Variants in WNT5B observed in about 807,000 individuals in gnomAD.
WNT5B encodes the protein protein Wnt-5b.
A neutral mutation model predicts 36.5 loss-of-function variants in WNT5B; 18 were observed. The ratio of observed to expected loss-of-function variants is 0.49; its 90% CI spans 0.34 to 0.73. The LOEUF (loss-of-function observed/expected upper bound fraction) is 0.73, where lower values mean the gene tolerates loss of function less well. Among genes scored for constraint, WNT5B ranks in the 30% least tolerant of loss-of-function variants. The pLI, the probability that WNT5B is intolerant of heterozygous loss-of-function variation, is 0.01. For synonymous variants in WNT5B, 213 were observed against 212.3 expected (o/e 1.00, Z -0.03); for missense variants, 424 against 508.4 (o/e 0.83, Z 1.60).
rs983671220 is a variant in WNT5B, at chr12:1,630,738, G to A, written c.-57-560G>A. 4.7e-4 allele frequency: 72 copies of A among 152,666 alleles called. No individual in the cohort carries two copies. Among genetic ancestry groups the A allele is most frequent in the Middle Eastern group, 3.4e-3 (1 of 294 alleles). The allele number at this position is 152,666 out of a possible 1,614,324, so 9.5% of individuals were successfully genotyped here. On this transcript the variant is annotated intron_variant, in intron 1 of 4. Transcript: ENST00000397196. The surrounding 1 kb of genome is among the most constrained non-coding windows in gnomAD (Gnocchi z 5.3). ...TCCTTGATCTGTACGCAGGGGTTGG[G>A]ACTTAGGAAACCCGCTGAGGGTGAG... is the stretch of plus-strand genomic sequence containing the variant.
At chr12:1,631,702 A>G (rs767525562) in intron 2 of WNT5B, among the ~76,000 whole-genome samples, 8 of 152,130 alleles carry the variant, frequency 5.3e-5, no homozygotes, top group Non-Finnish European at 1.0e-4. Flanking sequence ...CCTCATGCCC[A>G]TGAATTGTTA....
intron 3 of WNT5B, among the ~76,000 whole-genome samples, chr12:1,635,303 G>A (rs114222030): frequency 0.011 from 1,714 of 152,356 alleles, 30 homozygotes; most frequent in African/African-American, 0.039. Context: ...ATTCTGAGAA[G>A]GCTGATTCAA....
rs1223717064 is a variant in WNT5B at position 1,618,324 on chromosome 12, C to T, written c.-58+1181C>T. Among the ~76,000 whole-genome samples, 1 of 152,194 alleles carries T rather than the reference C, an allele frequency of 6.6e-6. No homozygotes were observed. The highest frequency in any genetic ancestry group is 2.4e-5 in the African/African-American group (1 of 41,428). ...CATAGAGAGAGGTTATCCACCTGCC[C>T]TTGGTGGTGATCCAGAAGTCCATTT... On this transcript the variant is annotated intron_variant, in intron 1 of 4. Transcript: ENST00000310594. The surrounding 1 kb of genome is among the most constrained non-coding windows in gnomAD (Gnocchi z 4.1).
Position 1,632,838 on chromosome 12 carries a change from C to G in WNT5B, c.261C>G (p.Phe87Leu), listed in dbSNP as rs542305945. 3.7e-6 allele frequency: 6 copies of G among 1,614,146 alleles called. No homozygotes were observed. The highest frequency in any genetic ancestry group is 5.1e-6 in the Non-Finnish European group (6 of 1,180,002). ...KTGIKECQHQ[F>L]RQRRWNCSTA... ...GCATCAAGGAATGCCAGCACCAGTTCCGGCAGCGGCGGTGGAATTGCAGCA... is the reference window on the plus strand; with the variant it reads ...GCATCAAGGAATGCCAGCACCAGTTGCGGCAGCGGCGGTGGAATTGCAGCA... The change falls in exon 3 of 5, where the codon TTC becomes TTG. Residue 87 changes from phenylalanine (F) to leucine (L), a missense_variant. Phe to Leu is a conservative substitution (Grantham distance 22). Transcript: ENST00000397196. This position sits in a 1 kb window ranked among gnomAD's most constrained non-coding sequence, Gnocchi z 5.8.
In WNT5B at chr12:1,639,665, C is replaced by A. The variant is rs1352955488; in HGVS notation, c.329-19C>A. The A allele has an allele frequency of 6.6e-7, 1 of 1,510,536 alleles. No individual in the cohort carries two copies. The highest frequency in any genetic ancestry group is 8.8e-7 in the Non-Finnish European group (1 of 1,139,542). 93.6% of individuals were successfully genotyped at this position (1,510,536 alleles called of 1,614,324 possible). A position where few individuals can be genotyped will look rare whatever the true frequency, so the allele number is the denominator to read the frequency against. On this transcript the variant is annotated intron_variant, in intron 3 of 4. Transcript: ENST00000397196. ...GAGAGGAGAGCGCACCCGCTTACCG[C>A]CCTGGCCTCATTCTGCAGGCAGCCG...
At chr12:1,636,013 T>C (rs946891303) in intron 3 of WNT5B, among the ~76,000 whole-genome samples, 2 of 152,194 alleles carry the variant, frequency 1.3e-5, no homozygotes, top group Non-Finnish European at 2.9e-5. Flanking sequence ...CTCGGTTGAT[T>C]GCAGACTGCT....
chr12:1,639,195 T>C (rs1281961799), intron 3 of WNT5B, among the ~76,000 whole-genome samples: 1 of 150,806 alleles, frequency 6.6e-6, no homozygotes, highest in East Asian at 2.0e-4. Context: ...TGGAGTGCAG[T>C]GGCGCGGTCT....
upstream of WNT5B, among the ~76,000 whole-genome samples, chr12:1,626,924 T>G (rs1004784792): frequency 7.9e-5 from 12 of 152,248 alleles, no homozygotes; most frequent in East Asian, 1.5e-3. Context: ...CAAGTAAGAG[T>G]GCTTTTCTTT....
At chr12:1,622,587 G>A (rs1467705477) in intron 1 of WNT5B, among the ~76,000 whole-genome samples, 2 of 152,164 alleles carry the variant, frequency 1.3e-5, no homozygotes, top group African/African-American at 2.4e-5. Flanking sequence ...TATGGAAGTC[G>A]AAGGGACTCT....
chr12:1,632,744 C>T lies in WNT5B; in HGVS notation c.167C>T (p.Pro56Leu). The T allele has an allele frequency of 6.2e-7, 1 of 1,614,176 alleles. No homozygotes were observed. The highest frequency in any genetic ancestry group is 8.5e-7 in the Non-Finnish European group (1 of 1,180,010). The change falls in exon 3 of 5, where the codon CCT becomes CTT. Residue 56 changes from proline to leucine, a missense_variant. Pro to Leu is a moderately conservative substitution (Grantham distance 98). Coordinates refer to ENST00000397196, the MANE Select transcript of WNT5B (RefSeq NM_032642.3). This position sits in a 1 kb window ranked among gnomAD's most constrained non-coding sequence, Gnocchi z 5.8. ...TGCAGTCAGCTTCCCGGGCTCTCCC[C>T]TGGCCAGAGGAAGCTGTGCCAATTG... ...PVCSQLPGLS[P>L]GQRKLCQLYQ...
chr12:1,643,035 T>C (rs2094578394), intron 4 of WNT5B, among the ~76,000 whole-genome samples: 1 of 152,106 alleles, frequency 6.6e-6, no homozygotes, highest in Non-Finnish European at 1.5e-5. Context: ...ATGGCTGGGA[T>C]GGAAAATAGA....
At chr12:1,631,013 C>G (rs2094549665) in intron 1 of WNT5B, 1 of 186,738 alleles carries the variant, frequency 5.4e-6, no homozygotes, top group African/African-American at 2.3e-5. Context: ...GCCGCAAGCT[C>G]CGCTCTTGAA....
At chr12:1,619,894 T>G (rs2094531580) in intron 1 of WNT5B, among the ~76,000 whole-genome samples, 1 of 152,142 alleles carries the variant, frequency 6.6e-6, no homozygotes, top group Non-Finnish European at 1.5e-5. Flanking sequence ...CCAACATGTT[T>G]CTTTTTGAGT....
chr12:1,642,639 C>T (rs544077350), intron 4 of WNT5B, among the ~76,000 whole-genome samples: 22 of 152,276 alleles, frequency 1.4e-4, no homozygotes, highest in African/African-American at 4.6e-4. Flanking sequence ...GGTGTCTGCA[C>T]GTGCCTGTGA....
Position 1,637,000 on chromosome 12 carries a change from G to A in WNT5B, c.329-2684G>A, listed in dbSNP as rs138924418. Among the ~76,000 whole-genome samples the A allele has an allele frequency of 2.2e-3, 333 of 152,132 alleles. 3 individuals are homozygous for A. Among genetic ancestry groups the A allele is most frequent in the South Asian group, 5.2e-3 (25 of 4,810 alleles). On this transcript the variant is annotated intron_variant, in intron 3 of 4. Coordinates refer to ENST00000397196, the MANE Select transcript of WNT5B (RefSeq NM_032642.3). ...TGGGATTACAGGCATGAGCCACCAC[G>A]CCCAGCTTAATTTTTTTCTTTTTTA...
chr12:1,622,667 T>C (rs975149104), intron 1 of WNT5B, among the ~76,000 whole-genome samples: 5 of 152,232 alleles, frequency 3.3e-5, no homozygotes, highest in African/African-American at 7.2e-5. Flanking sequence ...GGAGGGCTTT[T>C]CTTTTCTTTC....
Position 1,633,943 on chromosome 12 carries a change from C to T in WNT5B, c.328+1038C>T, listed in dbSNP as rs954279848. ...AAGTAATGCCCAATGCAGTAGCTCA[C>T]GCCTGTAATCCCAGCACCTTGGGAG... On this transcript the variant is annotated intron_variant, in intron 3 of 4. Transcript: ENST00000397196. This position sits in a 1 kb window ranked among gnomAD's most constrained non-coding sequence, Gnocchi z 4.8. 2.0e-5 allele frequency among the ~76,000 whole-genome samples: 3 copies of T among 152,162 alleles called. No individual in the cohort carries two copies. Among genetic ancestry groups the T allele is most frequent in the Admixed American group, 6.5e-5 (1 of 15,280 alleles).
At chr12:1,624,759 T>G (rs2094538819), upstream of WNT5B, among the ~76,000 whole-genome samples, 1 of 152,076 alleles carries the variant, frequency 6.6e-6, no homozygotes, top group Non-Finnish European at 1.5e-5. Flanking sequence ...AAAGGTAAGT[T>G]TGAACCTTTA....
rs565275077 is a variant in WNT5B, at chr12:1,639,719, G to A, written c.364G>A (p.Ala122Thr). 1.9e-6 allele frequency: 3 copies of A among 1,588,260 alleles called. No individual in the cohort carries two copies. Among genetic ancestry groups the A allele is most frequent in the Admixed American group, 1.8e-5 (1 of 56,262 alleles). The change falls in exon 4 of 5, where the codon GCC becomes ACC. Residue 122 changes from alanine (A) to threonine (T), a missense_variant. Coordinates refer to ENST00000397196, the MANE Select transcript of WNT5B (RefSeq NM_032642.3). Reference protein sequence around the residue: ...RETAFTHAVSAAGVVNAISRA... With the variant: ...RETAFTHAVSTAGVVNAISRA... ...GACCGCCTTCACCCACGCGGTGAGC[G>A]CCGCGGGCGTGGTCAACGCCATCAG...
Sources: gnomAD v4.1 joint callset for allele counts (sites outside exome capture counted in the v4.1 genomes callset) on GRCh38, gnomAD v4.1.1 for gene constraint, Gnocchi (gnomAD v3.1) non-coding constraint, MANE v1.5 for transcripts, NCBI Gene and HGNC (gene_info 2026-07-23, HGNC 2026-07-21) for gene names.